MAD1L1: variants seen among roughly 807,000 people sequenced by gnomAD.
MAD1L1 encodes the protein mitotic spindle assembly checkpoint protein MAD1.
MAD1L1 carries 95 observed loss-of-function variants against 96.9 expected under a neutral mutation model. The observed-to-expected ratio is 0.98, with a 90% CI of 0.83 to 1.16. The LOEUF (loss-of-function observed/expected upper bound fraction) is 1.16. Among genes scored for constraint, MAD1L1 ranks in the 50% most tolerant of loss-of-function variants. The pLI is 0.00. For missense variants in MAD1L1, 1,007 were observed against 954.4 expected (o/e 1.06, Z -0.73); for synonymous variants, 473 against 396.6 (o/e 1.19, Z -2.29).
At chr7:1,945,005 G>A (rs916161752) in intron 16 of MAD1L1, among the ~76,000 whole-genome samples, 3 of 152,262 alleles carry the variant, frequency 2.0e-5, no homozygotes, top group East Asian at 1.9e-4. Context: ...AGACGGGTAC[G>A]GGCAGCCCCT....
intron 15 of MAD1L1, among the ~76,000 whole-genome samples, chr7:1,966,572 AAAAAC>A (rs748843193): frequency 0.01 from 1,360 of 130,028 alleles, 19 homozygotes; most frequent in African/African-American, 0.013. Context: ...AAAAAAAAAA[AAAAAC>A]AAAAAAAATC....
chr7:2,197,233 C>T (rs1442669088), intron 10 of MAD1L1, among the ~76,000 whole-genome samples: 3 of 152,238 alleles, frequency 2.0e-5, no homozygotes, highest in African/African-American at 7.2e-5. Context: ...CCCACCCTAT[C>T]TGGAACATGC....
chr7:1,892,694 G>A lies in MAD1L1; in HGVS notation c.1998+5506C>T, dbSNP rs60603996. Among the ~76,000 whole-genome samples, 252 of 152,260 alleles carry A rather than the reference G, an allele frequency of 1.7e-3. 3 individuals carry two copies. The East Asian group carries it at 0.042, about 26-fold the overall frequency. On this transcript the variant is annotated intron_variant, in intron 18 of 18. Coordinates refer to ENST00000265854, the MANE Select transcript of MAD1L1 (RefSeq NM_001013836.2). ...ATCCATATGACAAACCCGGTAGGTC[G>A]ACATCGCCACATGTTTGTGCAGTTC...
intron 14 of MAD1L1, among the ~76,000 whole-genome samples, chr7:1,989,455 A>C (rs985066393): frequency 6.6e-6 from 1 of 152,194 alleles, no homozygotes; most frequent in African/African-American, 2.4e-5. Context: ...TGGGGCCGAC[A>C]GGGAGAGGGG....
intron 17 of MAD1L1, among the ~76,000 whole-genome samples, chr7:1,900,129 C>G (rs12669937): frequency 6.6e-6 from 1 of 152,040 alleles, no homozygotes; most frequent in Non-Finnish European, 1.5e-5. Flanking sequence ...CAGCCCGTTC[C>G]GAGTGCAAGC....
chr7:1,941,164 C>T (rs960097017), intron 16 of MAD1L1, among the ~76,000 whole-genome samples: 4 of 152,182 alleles, frequency 2.6e-5, no homozygotes, highest in East Asian at 1.9e-4. Context: ...CGGGGGTCAG[C>T]GGTGGTGCGC....
Position 2,215,909 on chromosome 7 carries a change from C to A in MAD1L1, c.900G>T (p.Leu300=). 1 of 1,614,214 alleles carries A rather than the reference C, an allele frequency of 6.2e-7. No homozygotes were observed. The highest frequency in any genetic ancestry group is 2.2e-5 in the East Asian group (1 of 44,890). The change falls in exon 9 of 19, where the codon CTG becomes CTT. Residue 300 remains leucine, a synonymous_variant. Transcript: ENST00000265854. ...LGRQEKMQET[L]VGLELENERL... ...CCTCGTTCTCCAGCTCCAAGCCAAC[C>A]AGCGTCTCCTGCATCTTCTCCTGGC...
At chr7:1,926,300 C>T (rs1406971883) in intron 17 of MAD1L1, among the ~76,000 whole-genome samples, 2 of 152,192 alleles carry the variant, frequency 1.3e-5, no homozygotes, top group African/African-American at 4.8e-5. Context: ...GTTTCACCAG[C>T]AAATTCTACA....
chr7:1,819,478 GC>G (rs1782011514), intron 18 of MAD1L1, among the ~76,000 whole-genome samples: 2 of 152,174 alleles, frequency 1.3e-5, no homozygotes, highest in Non-Finnish European at 2.9e-5. Flanking sequence ...GGGCTCACCT[GC>G]CCCTCTGGAA....
intron 18 of MAD1L1, among the ~76,000 whole-genome samples, chr7:1,885,957 A>G (rs533207869): frequency 1.3e-5 from 2 of 152,274 alleles, no homozygotes; most frequent in African/African-American, 4.8e-5. Flanking sequence ...TTCCCATTCT[A>G]TGCCCCCAGC....
chr7:1,859,350 A>T (rs180726632), intron 18 of MAD1L1, among the ~76,000 whole-genome samples: 163 of 152,334 alleles, frequency 1.1e-3, no homozygotes, highest in African/African-American at 3.6e-3. Flanking sequence ...CGGCCCTTCC[A>T]GCTTGCATCT....
At chr7:2,100,536 C>T (rs1453411299) in intron 11 of MAD1L1, among the ~76,000 whole-genome samples, 1 of 152,260 alleles carries the variant, frequency 6.6e-6, no homozygotes, top group Non-Finnish European at 1.5e-5. Context: ...GCAGGACAAG[C>T]CCTGAGCGGG....
At chr7:2,084,771 C>T (rs183893221) in intron 11 of MAD1L1, among the ~76,000 whole-genome samples, 113 of 152,298 alleles carry the variant, frequency 7.4e-4, no homozygotes, top group African/African-American at 2.5e-3. Flanking sequence ...CAGAGCCAGA[C>T]TGGGGCAGGG....
chr7:1,916,722 C>A (rs578077080), intron 17 of MAD1L1, among the ~76,000 whole-genome samples: 2 of 152,264 alleles, frequency 1.3e-5, no homozygotes, highest in South Asian at 2.1e-4. Flanking sequence ...GTCTTGTTGC[C>A]TCCCTGCAGC....
chr7:1,972,016 T>C (rs1231211666), intron 15 of MAD1L1, among the ~76,000 whole-genome samples: 1 of 152,144 alleles, frequency 6.6e-6, no homozygotes, highest in Admixed American at 6.5e-5. Flanking sequence ...CCCTCGATGG[T>C]AACAACTTAA....
chr7:2,097,803 G>A (rs933705435), intron 11 of MAD1L1, among the ~76,000 whole-genome samples: 7 of 152,210 alleles, frequency 4.6e-5, no homozygotes, highest in Middle Eastern at 3.2e-3. Flanking sequence ...CTGCAGAGGC[G>A]TCTGGGACCC....
intron 14 of MAD1L1, among the ~76,000 whole-genome samples, chr7:1,983,092 G>GCA (rs200854960): frequency 1.9e-4 from 28 of 151,320 alleles, no homozygotes; most frequent in South Asian, 1.3e-3. Context: ...GCGCGTGCAT[G>GCA]CACACACACA....
chr7:2,094,438 A>G (rs1388737586), intron 11 of MAD1L1, among the ~76,000 whole-genome samples: 1 of 152,230 alleles, frequency 6.6e-6, no homozygotes, highest in Non-Finnish European at 1.5e-5. Context: ...CGGATGAGAA[A>G]TAAGACACAA....
chr7:2,045,024 A>T (rs923953834), intron 12 of MAD1L1, among the ~76,000 whole-genome samples: 1 of 152,220 alleles, frequency 6.6e-6, no homozygotes, highest in Non-Finnish European at 1.5e-5. Context: ...ACACGGCCGC[A>T]GAGGCACGAT....
Sources: gnomAD v4.1 joint callset for allele counts (sites outside exome capture counted in the v4.1 genomes callset) on GRCh38, gnomAD v4.1.1 for gene constraint, MANE v1.5 for transcripts, NCBI Gene and HGNC (gene_info 2026-07-23, HGNC 2026-07-21) for gene names.